PCBP3: variants seen among roughly 807,000 people sequenced by gnomAD.
PCBP3 encodes poly(rC)-binding protein 3.
PCBP3 carries 25 observed loss-of-function variants against 52.7 expected under a neutral mutation model. That is an observed-to-expected ratio of 0.47 (90% CI 0.35 to 0.66). PCBP3 has a LOEUF of 0.66. Among genes scored for constraint, PCBP3 ranks in the 30% least tolerant of loss-of-function variants. The probability of loss-of-function intolerance (pLI) is 0.01; values close to 1 mark genes in which losing one functional copy is unlikely to be tolerated. For synonymous variants in PCBP3, 162 were observed against 183.0 expected, an observed-to-expected ratio of 0.89 and a Z score of 0.93; for missense variants, 391 against 490.3, an observed-to-expected ratio of 0.80 and a Z score of 1.91.
At chr21:45,852,022 A>AG (rs1156474437) in intron 5 of PCBP3, among the ~76,000 whole-genome samples, 3 of 152,190 alleles carry the variant, frequency 2.0e-5, no homozygotes, top group Non-Finnish European at 4.4e-5. Context: ...GGAGGAGTAA[A>AG]TTCTGGTGTT....
At chr21:45,824,510 A>G (rs2093253665) in intron 4 of PCBP3, among the ~76,000 whole-genome samples, 1 of 152,212 alleles carries the variant, frequency 6.6e-6, no homozygotes, top group Non-Finnish European at 1.5e-5. Context: ...TCCCGTTGGG[A>G]TTGCTTTATC....
intron 4 of PCBP3, among the ~76,000 whole-genome samples, chr21:45,808,567 A>C (rs2092585311): frequency 6.6e-6 from 1 of 152,250 alleles, no homozygotes; most frequent in Non-Finnish European, 1.5e-5. Flanking sequence ...GTGGAGAAAT[A>C]GGAATGCTTT....
At chr21:45,711,914 C>T (rs1390848411) in intron 2 of PCBP3, among the ~76,000 whole-genome samples, 1 of 152,114 alleles carries the variant, frequency 6.6e-6, no homozygotes, top group East Asian at 1.9e-4. Flanking sequence ...CTAAAAATCC[C>T]CTGTGCTTCA....
chr21:45,715,013 C>G (rs551425253), intron 2 of PCBP3, among the ~76,000 whole-genome samples: 7 of 152,124 alleles, frequency 4.6e-5, no homozygotes, highest in Non-Finnish European at 8.8e-5. Context: ...TTCACATAGT[C>G]AAAAACTATT....
intron 4 of PCBP3, among the ~76,000 whole-genome samples, chr21:45,819,409 AAC>A (rs1297445795): frequency 1.3e-5 from 2 of 152,210 alleles, no homozygotes; most frequent in Admixed American, 1.3e-4. Flanking sequence ...TTCTCCCAAG[AAC>A]ACACAGTCTA....
At chr21:45,674,167 C>T (rs1205574319) in intron 2 of PCBP3, among the ~76,000 whole-genome samples, 1 of 152,056 alleles carries the variant, frequency 6.6e-6, no homozygotes, top group Admixed American at 6.5e-5. Context: ...AAATGTAAAT[C>T]CACCATGTAA....
intron 4 of PCBP3, among the ~76,000 whole-genome samples, chr21:45,813,745 T>G (rs2147099686): frequency 6.6e-6 from 1 of 152,336 alleles, no homozygotes; most frequent in South Asian, 2.1e-4. Flanking sequence ...CACCCAGCCT[T>G]CCTTTAATTT....
intron 1 of PCBP3, among the ~76,000 whole-genome samples, chr21:45,660,435 G>C (rs1322432409): frequency 6.6e-6 from 1 of 151,998 alleles, no homozygotes; most frequent in African/African-American, 2.4e-5. Context: ...GCTTATATTG[G>C]AATGTTTAAT....
chr21:45,780,338 T>C lies in PCBP3; in HGVS notation c.-126+24886T>C, dbSNP rs376428021. Among the ~76,000 whole-genome samples the C allele has an allele frequency of 1.4e-4, 21 of 152,366 alleles. 1 individual carries two copies. The East Asian group carries it at 3.3e-3, about 24-fold the overall frequency. On this transcript the variant is annotated intron_variant, in intron 4 of 17. Transcript: ENST00000681687. The stretch of plus-strand genomic sequence containing the variant: ...TGTGATTTTTTCCTCTGATTTGATA[T>C]TGAAGTCTCTCTCTGGAAAGAGGTT...
chr21:45,819,178 C>T (rs1462875463), intron 4 of PCBP3, among the ~76,000 whole-genome samples: 2 of 152,088 alleles, frequency 1.3e-5, no homozygotes, highest in African/African-American at 4.8e-5. Context: ...GATGTGCCCA[C>T]ATGGGTTTGG....
intron 4 of PCBP3, among the ~76,000 whole-genome samples, chr21:45,784,041 A>G (rs1199863067): frequency 6.6e-6 from 1 of 152,224 alleles, no homozygotes; most frequent in African/African-American, 2.4e-5. Flanking sequence ...AGGTTAAAAC[A>G]TTGGAGAGTG....
chr21:45,883,183 C>CATTGTT (rs1237942142), intron 5 of PCBP3, among the ~76,000 whole-genome samples: 1 of 152,138 alleles, frequency 6.6e-6, no homozygotes, highest in Non-Finnish European at 1.5e-5. Context: ...TGTTTCATTT[C>CATTGTT]CAAGTGCTTG....
intron 1 of PCBP3, among the ~76,000 whole-genome samples, chr21:45,659,337 CTTTTTTT>C (rs36113182): frequency 1.9e-4 from 15 of 78,738 alleles, no homozygotes; most frequent in Admixed American, 3.1e-4. Flanking sequence ...TTTTACTTTC[CTTTTTTT>C]TTTTTTTTTT....
rs1002668242 is a variant in PCBP3, at chr21:45,736,124, A to C, written c.-162+695A>C. On this transcript the variant is annotated intron_variant, in intron 3 of 17. Transcript: ENST00000681687. This position sits in a 1 kb window ranked among gnomAD's most constrained non-coding sequence, Gnocchi z 4.6. ...TATTTGCAGTTCTGCATGGAAAACT[A>C]ATGGAGTCATGATGGCTGCTGATGC... Among the ~76,000 whole-genome samples, 1 of 152,256 alleles carries C rather than the reference A, an allele frequency of 6.6e-6. No homozygotes were observed. The highest frequency in any genetic ancestry group is 1.5e-5 in the Non-Finnish European group (1 of 68,048).
intron 5 of PCBP3, among the ~76,000 whole-genome samples, chr21:45,883,795 A>G (rs1458874071): frequency 6.6e-6 from 1 of 152,170 alleles, no homozygotes; most frequent in Non-Finnish European, 1.5e-5. Flanking sequence ...AGTTTTCTGT[A>G]GACAGCATAT....
At chr21:45,762,489 C>CTTTTTTTTTTTTTTTTTTTT (rs1485879344) in intron 4 of PCBP3, 1 of 88,346 alleles carries the variant, frequency 1.1e-5, no homozygotes, top group Non-Finnish European at 2.5e-5. Flanking sequence ...TTCTTTTCTT[C>CTTTTTTTTTTTTTTTTTTTT]TCTTTTTTTT....
Position 45,656,091 on chromosome 21 carries a change from C to T in PCBP3, c.-279+12223C>T, listed in dbSNP as rs1358446423. Among the ~76,000 whole-genome samples, 1 of 152,200 alleles carries T rather than the reference C, an allele frequency of 6.6e-6. No homozygotes were observed. ...ATTGTGGAAGACAGTGTGGCGATTT[C>T]TCAAGGATCTAGAACCAGAAATACC... is the stretch of plus-strand genomic sequence containing the variant. On this transcript the variant is annotated intron_variant, in intron 1 of 17. Transcript: ENST00000681687. This position sits in a 1 kb window ranked among gnomAD's most constrained non-coding sequence, Gnocchi z 4.3.
In PCBP3 at chr21:45,827,759, T is replaced by C. The variant is rs553292419; in HGVS notation, c.-125-22202T>C. Among the ~76,000 whole-genome samples, 47 of 152,152 alleles carry C rather than the reference T, an allele frequency of 3.1e-4. No individual in the cohort carries two copies. The highest frequency in any genetic ancestry group is 6.3e-4 in the Non-Finnish European group (43 of 68,012). ...GGACTCACTCTTCATGAGACCTCAA[T>C]TAAAAGACCCAGAAAGTTTAAAATG... On this transcript the variant is annotated intron_variant, in intron 4 of 17. Transcript: ENST00000681687. The surrounding 1 kb of genome is among the most constrained non-coding windows in gnomAD (Gnocchi z 4.3).
At chr21:45,912,774 G>A (rs959489925) in intron 11 of PCBP3, among the ~76,000 whole-genome samples, 1 of 152,182 alleles carries the variant, frequency 6.6e-6, no homozygotes, top group African/African-American at 2.4e-5. Context: ...TCCAGGAGCC[G>A]GGGAGGGCAG....
Sources: allele counts gnomAD v4.1 joint callset (sites outside exome capture counted in the v4.1 genomes callset), GRCh38; gene constraint gnomAD v4.1.1; non-coding constraint Gnocchi (gnomAD v3.1); transcripts MANE v1.5; gene names NCBI Gene and HGNC (gene_info 2026-07-23, HGNC 2026-07-21).